The following PM20D2 variants were observed in gnomAD, a reference collection of about 807,000 sequenced individuals.
PM20D2 encodes xaa-Arg dipeptidase.
Under a neutral mutation model 42.9 loss-of-function variants are expected in PM20D2, and 33 were observed. That is an observed-to-expected ratio of 0.77 (90% confidence interval 0.58 to 1.03). The LOEUF (loss-of-function observed/expected upper bound fraction) is 1.03, where lower values mean the gene tolerates loss of function less well. Among genes scored for constraint, PM20D2 ranks in the 50% least tolerant of loss-of-function variants. PM20D2 has a pLI of 0.00. For missense variants in PM20D2, 548 were observed against 557.0 expected, an observed-to-expected ratio of 0.98 and a Z score of 0.16; for synonymous variants, 250 against 228.2, an observed-to-expected ratio of 1.10 and a Z score of -0.86.
At chr6:89,113,467 C>G in the PM20D2 span, among the ~76,000 whole-genome samples, 11 of 151,986 alleles carry the variant, frequency 7.2e-5, no homozygotes, top group Non-Finnish European at 1.3e-4. Flanking sequence ...CCACCGCACC[C>G]AGCCCAATTT....
upstream of PM20D2, among the ~76,000 whole-genome samples, chr6:89,144,810 A>G (rs916371102): frequency 1.6e-5 from 2 of 128,664 alleles, no homozygotes; most frequent in African/African-American, 6.9e-5. Flanking sequence ...TACCAGAGAA[A>G]GATTTATTAT....
the PM20D2 span, among the ~76,000 whole-genome samples, chr6:89,116,631 C>A: frequency 6.6e-6 from 1 of 151,918 alleles, no homozygotes; most frequent in Non-Finnish European, 1.5e-5. Context: ...AAAAATTAGC[C>A]GGGTGTGGTG....
At chr6:89,103,666 C>T in the PM20D2 span, among the ~76,000 whole-genome samples, 1 of 152,058 alleles carries the variant, frequency 6.6e-6, no homozygotes, top group South Asian at 2.1e-4. Context: ...CACCATATTG[C>T]TCAGGATGGT....
At chr6:89,095,406 C>A in the PM20D2 span, among the ~76,000 whole-genome samples, 1 of 152,042 alleles carries the variant, frequency 6.6e-6, no homozygotes, top group Admixed American at 6.6e-5. Context: ...TTAGTAGAGA[C>A]CTGCTTTCAC....
At chr6:89,099,028 C>T in the PM20D2 span, 5 of 1,439,006 alleles carry the variant, frequency 3.5e-6, no homozygotes, top group South Asian at 3.0e-5. Flanking sequence ...AACTTACATA[C>T]TTTACATAAC....
At chr6:89,098,726 T>C in the PM20D2 span, 39 of 1,613,990 alleles carry the variant, frequency 2.4e-5, no homozygotes, top group Non-Finnish European at 3.2e-5. Context: ...ATGTCTTCCA[T>C]GTGATCTTGA....
chr6:89,132,735 G>A, the PM20D2 span, among the ~76,000 whole-genome samples: 33 of 150,754 alleles, frequency 2.2e-4, no homozygotes, highest in Non-Finnish European at 4.4e-4. Context: ...CTACTCGGGA[G>A]GCTGAGGGAG....
chr6:89,113,577 G>T, the PM20D2 span, among the ~76,000 whole-genome samples: 4 of 152,264 alleles, frequency 2.6e-5, no homozygotes, highest in East Asian at 7.7e-4. Flanking sequence ...CCAAAGTGCT[G>T]GGATTATAGA....
the PM20D2 span, among the ~76,000 whole-genome samples, chr6:89,129,009 C>A: frequency 0.64 from 96,801 of 152,022 alleles, 31,829 homozygotes; most frequent in South Asian, 0.76. Flanking sequence ...AACTACAGGG[C>A]AAGCTACAAA....
upstream of PM20D2, among the ~76,000 whole-genome samples, chr6:89,145,328 T>G (rs2127771251): frequency 6.6e-6 from 1 of 152,328 alleles, no homozygotes; most frequent in African/African-American, 2.4e-5. Context: ...CAATTAAAAT[T>G]ATAAACGAAA....
chr6:89,153,488 T>C (rs1770926184), intron 3 of PM20D2, among the ~76,000 whole-genome samples: 1 of 152,152 alleles, frequency 6.6e-6, no homozygotes, highest in African/African-American at 2.4e-5. Flanking sequence ...GGATCTTGAT[T>C]TTCCAGTTGT....
the PM20D2 span, among the ~76,000 whole-genome samples, chr6:89,112,439 TTTTC>T: frequency 0.011 from 1,645 of 150,736 alleles, 20 homozygotes; most frequent in Non-Finnish European, 0.015. Context: ...TCTCATTTTC[TTTTC>T]TTTCTTTTTT....
chr6:89,116,632 G>C, the PM20D2 span, among the ~76,000 whole-genome samples: 1 of 151,950 alleles, frequency 6.6e-6, no homozygotes, highest in Non-Finnish European at 1.5e-5. Context: ...AAAATTAGCC[G>C]GGTGTGGTGG....
chr6:89,142,669 A>T (rs1014416400), upstream of PM20D2, among the ~76,000 whole-genome samples: 17 of 151,532 alleles, frequency 1.1e-4, no homozygotes, highest in East Asian at 5.8e-4. Context: ...TATTATTATT[A>T]TTTTTTGAGA....
the PM20D2 span, chr6:89,105,801 G>T: frequency 1.0e-5 from 2 of 194,796 alleles, no homozygotes; most frequent in Non-Finnish European, 2.1e-5. Context: ...TGTGGCTGCA[G>T]TATGCATGTA....
At chr6:89,143,438 A>T (rs1562240586), upstream of PM20D2, among the ~76,000 whole-genome samples, 2 of 151,976 alleles carry the variant, frequency 1.3e-5, no homozygotes, top group Admixed American at 6.6e-5. Flanking sequence ...ATCTTTATAT[A>T]TTTTTTCCCC....
At chr6:89,098,473 T>C in the PM20D2 span, 3 of 1,390,304 alleles carry the variant, frequency 2.2e-6, no homozygotes, top group African/African-American at 2.9e-5. Flanking sequence ...CCAAAGTAAC[T>C]AATATCAACT....
the PM20D2 span, chr6:89,107,109 C>A: frequency 7.2e-7 from 1 of 1,395,762 alleles, no homozygotes; most frequent in Non-Finnish European, 1.0e-6. Context: ...TGTATAAGCA[C>A]GCATATACAG....
At chr6:89,154,632 A>G (rs1770969129) in intron 3 of PM20D2, 116 bp from the exon 4 acceptor site, 1 of 672,322 alleles carries the variant, frequency 1.5e-6, no homozygotes. Flanking sequence ...TGGTGGAGCT[A>G]GTGAGTTTAA....
Sources: allele counts gnomAD v4.1 joint callset (sites outside exome capture counted in the v4.1 genomes callset), GRCh38; gene constraint gnomAD v4.1.1; transcripts MANE v1.5; gene names NCBI Gene and HGNC (gene_info 2026-07-23, HGNC 2026-07-21).